Variants in HEPH observed in about 807,000 individuals in gnomAD.
The protein encoded by HEPH is hephaestin.
HEPH carries 69 observed loss-of-function variants against 80.8 expected under a neutral mutation model. That is an observed-to-expected ratio of 0.85 (90% CI 0.70 to 1.04). The LOEUF (loss-of-function observed/expected upper bound fraction) is 1.04. Ranked by LOEUF, HEPH falls within the 50% of genes least tolerant of loss-of-function variation. The pLI is 0.00. For missense variants in HEPH, 1,115 were observed against 891.3 expected, an observed-to-expected ratio of 1.25 and a Z score of -3.20; for synonymous variants, 431 against 322.8, an observed-to-expected ratio of 1.34 and a Z score of -3.60.
At chrX:66,166,791 G>A (rs1189142748) in intron 1 of HEPH, among the ~76,000 whole-genome samples, 1 of 112,087 alleles carries the variant, frequency 8.9e-6, no homozygotes, top group Non-Finnish European at 1.9e-5. Context: ...CAAGAAGAGA[G>A]TTCAGCTTGG....
At chrX:66,213,568 T>A (rs1287595903) in intron 15 of HEPH, among the ~76,000 whole-genome samples, 1 of 112,085 alleles carries the variant, frequency 8.9e-6, no homozygotes, top group Non-Finnish European at 1.9e-5. Context: ...TTCCTAGGTA[T>A]TTTATTATTT....
chrX:66,268,561 A>T (rs1246945378), downstream of HEPH: 1 of 111,950 alleles, frequency 8.9e-6, no homozygotes, highest in African/African-American at 3.2e-5. Flanking sequence ...ATGAAGACCA[A>T]GTACATGCTA....
intron 5 of HEPH, among the ~76,000 whole-genome samples, chrX:66,189,121 TTTCA>T (rs1480588587): frequency 2.7e-5 from 3 of 112,283 alleles, no homozygotes; most frequent in Non-Finnish European, 3.8e-5. Flanking sequence ...TTTGTTTTTG[TTTCA>T]TTAAGGAAGT....
chrX:66,255,069 G>A lies in HEPH; in HGVS notation c.2598G>A (p.Glu866=), dbSNP rs767333760. 1 of 1,207,651 alleles carries A rather than the reference G, an allele frequency of 8.3e-7. No individual in the cohort carries two copies. Among genetic ancestry groups the A allele is most frequent in the Non-Finnish European group, 1.1e-6 (1 of 892,907 alleles). Residue 866 remains glutamate, a synonymous_variant, in exon 16 of 21, where the codon GAG becomes GAA. Coordinates refer to ENST00000343002, the MANE Select transcript of HEPH (RefSeq NM_001367233.3). ...TCACTTATCAGTGGAACATCCCAGA[G>A]AGGTCTGGCCCTGGGCCCAATGACT... ...EVVTYQWNIP[E]RSGPGPNDSA... is the part of the protein sequence containing the mutation.
chrX:66,202,219 G>A (rs1435366378), intron 12 of HEPH, among the ~76,000 whole-genome samples: 2 of 111,431 alleles, frequency 1.8e-5, no homozygotes, highest in African/African-American at 6.5e-5. Context: ...CAAAATGAAT[G>A]AAGATTTCAA....
At chrX:66,200,168 A>G (rs941318136) in intron 11 of HEPH, among the ~76,000 whole-genome samples, 1 of 109,776 alleles carries the variant, frequency 9.1e-6, no homozygotes, top group Non-Finnish European at 1.9e-5. Flanking sequence ...GAGTGGTTGT[A>G]AAAGGACCAG....
chrX:66,220,928 C>T (rs2089618634), intron 15 of HEPH, among the ~76,000 whole-genome samples: 1 of 110,895 alleles, frequency 9.0e-6, no homozygotes, highest in Non-Finnish European at 1.9e-5. Flanking sequence ...ATTCCCGGTA[C>T]ACTTATAATA....
At chrX:66,191,556 G>A (rs2087791540) in intron 6 of HEPH, among the ~76,000 whole-genome samples, 1 of 112,008 alleles carries the variant, frequency 8.9e-6, no homozygotes, top group Admixed American at 9.5e-5. Context: ...ACGCAATGTA[G>A]TATATTCCAC....
At position 66,164,274 on chromosome X, in the gene HEPH, A is replaced by T. The variant is rs2086268707; in HGVS notation, c.-210A>T. The T allele has an allele frequency of 1.3e-6, 1 of 750,828 alleles. No homozygotes were observed. Among genetic ancestry groups the T allele is most frequent in the Non-Finnish European group, 1.6e-6 (1 of 637,865 alleles). 61.9% of individuals were successfully genotyped at this position (750,828 alleles called of 1,213,427 possible). On this transcript the variant is annotated 5_prime_UTR_variant, in exon 1 of 21. Transcript: ENST00000343002. ...TCCAGTAGTTTTGTTTCTGGAAAAG[A>T]GGGCACCCAGCCCTTCCCCCTCCCT...
intron 15 of HEPH, among the ~76,000 whole-genome samples, chrX:66,240,058 G>A (rs867774234): frequency 2.8e-4 from 31 of 111,917 alleles, no homozygotes; most frequent in African/African-American, 9.4e-4. Flanking sequence ...ATGCCTGAAA[G>A]GGAAGTAAAA....
chrX:66,267,096 A>G lies in HEPH; in HGVS notation c.*424A>G, dbSNP rs1041321732. 18 of 128,701 alleles carry G rather than the reference A, an allele frequency of 1.4e-4. No individual in the cohort carries two copies. Among genetic ancestry groups the G allele is most frequent in the Admixed American group, 1.1e-3 (14 of 12,772 alleles). 10.6% of individuals were successfully genotyped at this position (128,701 alleles called of 1,213,427 possible). A position where few individuals can be genotyped will look rare whatever the true frequency, so the allele number is the denominator to read the frequency against. On this transcript the variant is annotated 3_prime_UTR_variant, in exon 21 of 21. Transcript: ENST00000343002. Reference sequence around the variant, plus strand: ...AACTGAGGCCAAGTGAGCTGTTAAGATAACCCACACTTAAACTAAAGGCTA... The same window carrying G: ...AACTGAGGCCAAGTGAGCTGTTAAGGTAACCCACACTTAAACTAAAGGCTA...
intron 15 of HEPH, among the ~76,000 whole-genome samples, chrX:66,249,509 G>A (rs1046034983): frequency 9.0e-6 from 1 of 111,424 alleles, no homozygotes; most frequent in Admixed American, 9.6e-5. Context: ...TCACCCAGAG[G>A]AACAGGATTG....
At chrX:66,268,355 C>G (rs2091584053), downstream of HEPH, 3 of 112,053 alleles carry the variant, frequency 2.7e-5, no homozygotes, top group African/African-American at 9.7e-5. Context: ...AAAACACAAT[C>G]CAGAAGCTAT....
chrX:66,170,693 C>G lies in HEPH; in HGVS notation c.123C>G (p.Pro41=). 2 of 1,210,333 alleles carry G rather than the reference C, an allele frequency of 1.7e-6. No individual in the cohort carries two copies. Among genetic ancestry groups the G allele is most frequent in the Non-Finnish European group, 2.2e-6 (2 of 894,746 alleles). Residue 41 remains proline, a synonymous_variant, in exon 2 of 21, where the codon CCC becomes CCG. Coordinates refer to ENST00000343002, the MANE Select transcript of HEPH (RefSeq NM_001367233.3). The part of the protein sequence containing the change: ...GIRDVQWNYA[P]KGRNVITNQP... ...GGGATGTGCAGTGGAACTATGCTCCCAAGGGAAGAAATGTCATCACGAACC... is the reference window on the plus strand; with the variant it reads ...GGGATGTGCAGTGGAACTATGCTCCGAAGGGAAGAAATGTCATCACGAACC...
chrX:66,245,136 C>T (rs1031481199), intron 15 of HEPH, among the ~76,000 whole-genome samples: 1 of 110,903 alleles, frequency 9.0e-6, no homozygotes, highest in Non-Finnish European at 1.9e-5. Flanking sequence ...ACAGTATTCA[C>T]CTTAAATGTA....
At chrX:66,248,582 G>GA (rs1345792263) in intron 15 of HEPH, among the ~76,000 whole-genome samples, 1 of 112,216 alleles carries the variant, frequency 8.9e-6, no homozygotes, top group Non-Finnish European at 1.9e-5. Flanking sequence ...AATTAATAAT[G>GA]AAAAAACTTG....
chrX:66,200,315 A>G lies in HEPH; in HGVS notation c.1865-225A>G, dbSNP rs1602311507. On this transcript the variant is annotated intron_variant, in intron 11 of 20. Coordinates refer to ENST00000343002, the MANE Select transcript of HEPH (RefSeq NM_001367233.3). ...GTTCAATGTTGTCAGGATGTGGATC[A>G]TGGTGGAGGTGAGGCCAGAAAGGAC... 4 of 391,938 alleles carry G rather than the reference A, an allele frequency of 1.0e-5. No homozygotes were observed. The East Asian group carries it at 1.6e-4, about 16-fold the overall frequency. The allele number at this position is 391,938 out of a possible 1,213,427, so 32.3% of individuals were successfully genotyped here. A position where few individuals can be genotyped will look rare whatever the true frequency, so the allele number is the denominator to read the frequency against.
At chrX:66,244,510 G>T (rs5919023) in intron 15 of HEPH, among the ~76,000 whole-genome samples, 2 of 111,638 alleles carry the variant, frequency 1.8e-5, no homozygotes, top group African/African-American at 6.5e-5. Flanking sequence ...TATCAGATTA[G>T]CTTGGTTCTT....
intron 15 of HEPH, among the ~76,000 whole-genome samples, chrX:66,245,354 C>A (rs1296416417): frequency 2.7e-5 from 3 of 111,190 alleles, no homozygotes; most frequent in Admixed American, 1.9e-4. Flanking sequence ...AACAGACTTT[C>A]AACCAACAAA....
Sources: allele counts gnomAD v4.1 joint callset (sites outside exome capture counted in the v4.1 genomes callset), GRCh38; gene constraint gnomAD v4.1.1; transcripts MANE v1.5; gene names NCBI Gene and HGNC (gene_info 2026-07-23, HGNC 2026-07-21).